SASH1: variants seen among roughly 807,000 people sequenced by gnomAD.
The protein encoded by SASH1 is SAM and SH3 domain containing 1.
SASH1 carries 44 observed loss-of-function variants against 125.2 expected under a neutral mutation model. The ratio of observed to expected loss-of-function variants is 0.35; its 90% CI spans 0.28 to 0.45. SASH1 has a LOEUF of 0.45. Ranked by LOEUF, SASH1 falls within the 20% of genes least tolerant of loss-of-function variation. The pLI, the probability that SASH1 is intolerant of heterozygous loss-of-function variation, is 1.00. For synonymous variants in SASH1, 639 were observed against 649.1 expected (o/e 0.98, Z 0.24); for missense variants, 1,426 against 1,614.5 (o/e 0.88, Z 2.00).
intron 1 of SASH1, among the ~76,000 whole-genome samples, chr6:148,294,617 A>G (rs1779715555): frequency 6.6e-6 from 1 of 152,184 alleles, no homozygotes; most frequent in African/African-American, 2.4e-5. Flanking sequence ...TACACAGAAA[A>G]GCCTGCATGA....
intron 1 of SASH1, among the ~76,000 whole-genome samples, chr6:148,384,419 G>A (rs927725702): frequency 1.8e-4 from 28 of 152,130 alleles, no homozygotes; most frequent in African/African-American, 6.5e-4. Flanking sequence ...TTTTAATCAT[G>A]ATATTTATTA....
chr6:148,245,538 G>A, the SASH1 span, among the ~76,000 whole-genome samples: 1 of 152,240 alleles, frequency 6.6e-6, no homozygotes, highest in Non-Finnish European at 1.5e-5. Flanking sequence ...GTCTCTCCTG[G>A]GGTTCTTTAG....
chr6:148,291,835 A>G (rs1210932728), intron 1 of SASH1, among the ~76,000 whole-genome samples: 1 of 152,192 alleles, frequency 6.6e-6, no homozygotes, highest in Non-Finnish European at 1.5e-5. Context: ...TGTCATTGTT[A>G]TTCTTGTTGT....
chr6:148,543,714 G>C lies in SASH1; in HGVS notation c.2244G>C (p.Lys748Asn). The C allele has an allele frequency of 6.4e-7, 1 of 1,564,794 alleles. No homozygotes were observed. The highest frequency in any genetic ancestry group is 8.7e-7 in the Non-Finnish European group (1 of 1,153,432). The change falls in exon 18 of 20, where the codon AAG becomes AAC. Residue 748 changes from lysine to asparagine, a missense_variant. This residue lies in a region of SASH1 where 634 missense variants were observed against 694.4 expected (regional missense o/e 0.91). Coordinates refer to ENST00000367467, the MANE Select transcript of SASH1 (RefSeq NM_015278.5). ...GGAAAGCTAGCCTCCTATCTGCCAA[G>C]TCATCCACCGAGCCCAGCTTGAAGT... is the stretch of plus-strand genomic sequence containing the variant. ...KTRKASLLSAKSSTEPSLKSF... is the reference protein window; with the variant it reads ...KTRKASLLSANSSTEPSLKSF...
At chr6:148,407,766 G>C (rs915645846) in intron 2 of SASH1, among the ~76,000 whole-genome samples, 1 of 152,256 alleles carries the variant, frequency 6.6e-6, no homozygotes, top group Admixed American at 6.5e-5. Flanking sequence ...CCGAGTAGCT[G>C]GGACTACAGG....
rs557113345 is a variant in SASH1 at position 148,389,765 on chromosome 6, C to T, written c.157-369C>T. Among the ~76,000 whole-genome samples, 3 of 152,292 alleles carry T rather than the reference C, an allele frequency of 2.0e-5. No homozygotes were observed. The South Asian group carries it at 6.2e-4, about 32-fold the overall frequency. On this transcript the variant is annotated intron_variant, in intron 1 of 19. Transcript: ENST00000367467. ...ACAGTGCCTTTGCTGAAGGTGCTTCCCTGGTGTTTCCTCTCTTAGCCCTGC... is the reference window on the plus strand; with the variant it reads ...ACAGTGCCTTTGCTGAAGGTGCTTCTCTGGTGTTTCCTCTCTTAGCCCTGC...
chr6:148,239,911 A>G, the SASH1 span: 1 of 152,242 alleles, frequency 6.6e-6, no homozygotes, highest in African/African-American at 2.4e-5. Context: ...CACACAAGCC[A>G]GATGGGAGCT....
chr6:148,326,422 T>TTTTTTTTTTTA, intron 1 of SASH1, among the ~76,000 whole-genome samples: 3 of 139,082 alleles, frequency 2.2e-5, no homozygotes, highest in Non-Finnish European at 4.6e-5. Context: ...TTCTTTTTTT[T>TTTTTTTTTTTA]GAGACAGGGT....
the SASH1 span, among the ~76,000 whole-genome samples, chr6:148,246,389 G>A: frequency 1.2e-4 from 19 of 152,248 alleles, no homozygotes; most frequent in African/African-American, 4.6e-4. Context: ...ATGTGTGTGT[G>A]CTTTAAAACA....
At chr6:148,376,889 G>A (rs898604992) in intron 1 of SASH1, among the ~76,000 whole-genome samples, 6 of 151,790 alleles carry the variant, frequency 4.0e-5, no homozygotes, top group Admixed American at 6.6e-5. Flanking sequence ...GATGAAACTC[G>A]GCCGGGCGCG....
At chr6:148,356,764 T>TA (rs777231444) in intron 1 of SASH1, among the ~76,000 whole-genome samples, 3 of 152,216 alleles carry the variant, frequency 2.0e-5, no homozygotes, top group Non-Finnish European at 4.4e-5. Flanking sequence ...TACTTTTAGT[T>TA]GTTTAAGGAA....
intron 4 of SASH1, among the ~76,000 whole-genome samples, chr6:148,456,920 T>C (rs1216250167): frequency 7.0e-6 from 1 of 142,102 alleles, no homozygotes; most frequent in Admixed American, 7.4e-5. Context: ...ACAAAGGTAC[T>C]TTCTTTTTAG....
At chr6:148,346,920 T>C (rs759732601) in intron 1 of SASH1, among the ~76,000 whole-genome samples, 25 of 152,200 alleles carry the variant, frequency 1.6e-4, no homozygotes, top group Non-Finnish European at 3.4e-4. Flanking sequence ...TCAAAGCATG[T>C]CACTTCTCCC....
chr6:148,310,313 C>T (rs1385270366), intron 1 of SASH1, among the ~76,000 whole-genome samples: 5 of 151,512 alleles, frequency 3.3e-5, no homozygotes, highest in African/African-American at 4.9e-5. Flanking sequence ...AAGAGTGAAA[C>T]GTTGTCTCAA....
chr6:148,508,235 C>T (rs1257304397), intron 8 of SASH1, among the ~76,000 whole-genome samples: 1 of 152,118 alleles, frequency 6.6e-6, no homozygotes, highest in East Asian at 1.9e-4. Flanking sequence ...AGGAGAAAAC[C>T]ACAATCATAA....
the SASH1 span, among the ~76,000 whole-genome samples, chr6:148,238,829 C>G: frequency 1.3e-5 from 2 of 152,276 alleles, no homozygotes; most frequent in African/African-American, 4.8e-5. Context: ...CTGCTACTCA[C>G]CCAGCCTCCA....
At chr6:148,462,929 C>T (rs1321304754) in intron 4 of SASH1, among the ~76,000 whole-genome samples, 2 of 152,104 alleles carry the variant, frequency 1.3e-5, no homozygotes, top group African/African-American at 4.8e-5. Flanking sequence ...ACTCCCATCT[C>T]AGTGACAGTC....
At chr6:148,228,035 A>C in the SASH1 span, among the ~76,000 whole-genome samples, 1 of 152,198 alleles carries the variant, frequency 6.6e-6, no homozygotes, top group Non-Finnish European at 1.5e-5. Flanking sequence ...GAAACATTAC[A>C]TTTCAAGCTA....
upstream of SASH1, among the ~76,000 whole-genome samples, chr6:148,338,119 G>A (rs189872577): frequency 6.8e-6 from 1 of 147,768 alleles, no homozygotes; most frequent in Non-Finnish European, 1.5e-5. Flanking sequence ...CAGATGAAAA[G>A]ACTTTTAAAA....
Sources: allele counts gnomAD v4.1 joint callset (sites outside exome capture counted in the v4.1 genomes callset), GRCh38; gene constraint gnomAD v4.1.1; regional missense constraint gnomAD v4.1.1; transcripts MANE v1.5; gene names NCBI Gene and HGNC (gene_info 2026-07-23, HGNC 2026-07-21).